Variants in TMEM182 observed in about 807,000 individuals in gnomAD.
The protein encoded by TMEM182 is transmembrane protein 182.
In TMEM182, 20 loss-of-function variants were observed where a neutral mutation model predicts 26.8. The observed-to-expected ratio is 0.75, with a 90% CI of 0.53 to 1.09. The LOEUF (loss-of-function observed/expected upper bound fraction) is 1.09, where lower values mean the gene tolerates loss of function less well. TMEM182 is among the 50% of genes least tolerant of loss of function. The pLI is 0.00. For synonymous variants in TMEM182, 109 were observed against 102.2 expected, an observed-to-expected ratio of 1.07 and a Z score of -0.40; for missense variants, 277 against 275.5, an observed-to-expected ratio of 1.01 and a Z score of -0.04.
intron 3 of TMEM182, among the ~76,000 whole-genome samples, chr2:102,832,336 A>G (rs1265566350): frequency 1.3e-5 from 2 of 152,242 alleles, no homozygotes; most frequent in Non-Finnish European, 2.9e-5. Flanking sequence ...TTGTAAATCA[A>G]CACATACATC....
chr2:102,759,160 A>T (rs1680135681), upstream of TMEM182, among the ~76,000 whole-genome samples: 1 of 152,222 alleles, frequency 6.6e-6, no homozygotes, highest in South Asian at 2.1e-4. Context: ...ATCTACTTTT[A>T]TATATGCATG....
intron 3 of TMEM182, among the ~76,000 whole-genome samples, chr2:102,767,435 A>G (rs1391910570): frequency 6.6e-6 from 1 of 152,082 alleles, no homozygotes; most frequent in East Asian, 1.9e-4. Flanking sequence ...GGTTTGTTTC[A>G]TGTTTACATT....
chr2:102,807,995 G>A (rs1168572908), intron 4 of TMEM182, among the ~76,000 whole-genome samples: 1 of 152,174 alleles, frequency 6.6e-6, no homozygotes, highest in Non-Finnish European at 1.5e-5. Context: ...AGTCTTTTAT[G>A]AATGCAGGGC....
At chr2:102,805,733 G>T (rs1682319954) in intron 4 of TMEM182, among the ~76,000 whole-genome samples, 1 of 152,034 alleles carries the variant, frequency 6.6e-6, no homozygotes, top group Admixed American at 6.5e-5. Flanking sequence ...ACGGTTTTCA[G>T]ATGTGCAAAG....
chr2:102,838,147 A>G (rs1441119640), intron 3 of TMEM182, among the ~76,000 whole-genome samples: 8 of 152,326 alleles, frequency 5.3e-5, no homozygotes, highest in African/African-American at 1.9e-4. Flanking sequence ...CTAATGCTGC[A>G]CGGAAGTAGG....
chr2:102,765,306 G>T (rs186292846), intron 3 of TMEM182, among the ~76,000 whole-genome samples: 5 of 152,092 alleles, frequency 3.3e-5, no homozygotes, highest in Non-Finnish European at 5.9e-5. Context: ...CAGTCTGAAG[G>T]CTGGACACTC....
At chr2:102,759,623 A>G (rs1680147930), upstream of TMEM182, among the ~76,000 whole-genome samples, 1 of 152,210 alleles carries the variant, frequency 6.6e-6, no homozygotes, top group African/African-American at 2.4e-5. Flanking sequence ...TTAAGTTTAT[A>G]TTGCTACTAT....
intron 1 of TMEM182, among the ~76,000 whole-genome samples, chr2:102,739,391 G>A (rs751222960): frequency 6.6e-6 from 1 of 152,168 alleles, no homozygotes; most frequent in African/African-American, 2.4e-5. Flanking sequence ...CTGCTGACAT[G>A]GTTTGGATCT....
chr2:102,836,128 CTT>C (rs1359891667), intron 3 of TMEM182, among the ~76,000 whole-genome samples: 1 of 152,212 alleles, frequency 6.6e-6, no homozygotes. Context: ...CCACAGTTCT[CTT>C]TGCCCCGTGA....
intron 1 of TMEM182, among the ~76,000 whole-genome samples, chr2:102,737,282 A>G (rs1264162335): frequency 2.0e-5 from 3 of 152,172 alleles, no homozygotes; most frequent in African/African-American, 4.8e-5. Flanking sequence ...ATGTAGTCCA[A>G]CTTCTAGAGG....
intron 4 of TMEM182, among the ~76,000 whole-genome samples, chr2:102,803,870 C>T (rs893786774): frequency 1.3e-5 from 2 of 151,102 alleles, no homozygotes; most frequent in African/African-American, 2.4e-5. Flanking sequence ...GCAGCCCTGC[C>T]GTCCACACCT....
downstream of TMEM182, among the ~76,000 whole-genome samples, chr2:102,818,571 C>T (rs555774620): frequency 5.3e-5 from 8 of 152,172 alleles, no homozygotes; most frequent in East Asian, 1.9e-4. Context: ...AAGTCTGGAA[C>T]GACAATGGAG....
intron 3 of TMEM182, among the ~76,000 whole-genome samples, chr2:102,786,482 G>A (rs192847172): frequency 6.6e-6 from 1 of 152,136 alleles, no homozygotes; most frequent in African/African-American, 2.4e-5. Flanking sequence ...CAAAGTGTTG[G>A]TATTACAGGT....
chr2:102,816,158 A>G lies in TMEM182; in HGVS notation c.*1190A>G, dbSNP rs1360353119. ...AGATGTTCATTTGGCACTAATGTTG[A>G]TTGAAATCAAATCCATCTGAGATGC... On this transcript the variant is annotated 3_prime_UTR_variant, in exon 5 of 5. Coordinates refer to ENST00000412401, the MANE Select transcript of TMEM182 (RefSeq NM_144632.5). 2.0e-6 allele frequency: 2 copies of G among 985,280 alleles called. No homozygotes were observed. The highest frequency in any genetic ancestry group is 2.3e-4 in the East Asian group (2 of 8,822). The allele number at this position is 985,280 out of a possible 1,614,324, so 61.0% of individuals were successfully genotyped here.
chr2:102,786,187 G>T (rs982651604), intron 3 of TMEM182, among the ~76,000 whole-genome samples: 79 of 142,950 alleles, frequency 5.5e-4, no homozygotes, highest in African/African-American at 2.0e-3. Flanking sequence ...TGGAGAGGAA[G>T]ATTACATAGC....
chr2:102,779,698 T>C (rs1303340048), intron 3 of TMEM182, among the ~76,000 whole-genome samples: 1 of 152,150 alleles, frequency 6.6e-6, no homozygotes, highest in Non-Finnish European at 1.5e-5. Flanking sequence ...TATTTTTTTT[T>C]TTTTAATTTG....
In TMEM182 at chr2:102,832,906, C is replaced by T. The variant is rs1313787807; in HGVS notation, c.326-10506C>T. On this transcript the variant is annotated intron_variant, in intron 3 of 3. Transcript: ENST00000486293. ...ACAGATCTTCCAAATTGCACACAGC[C>T]ATCCTGCACTGGCAGGGAGACAGGC... is the stretch of plus-strand genomic sequence containing the variant. Among the ~76,000 whole-genome samples, 6 of 152,298 alleles carry T rather than the reference C, an allele frequency of 3.9e-5. No homozygotes were observed. In the East Asian group the frequency reaches 1.2e-3, roughly 29 times the overall value.
intron 3 of TMEM182, among the ~76,000 whole-genome samples, chr2:102,841,033 T>C (rs959691343): frequency 6.6e-6 from 1 of 152,132 alleles, no homozygotes; most frequent in Non-Finnish European, 1.5e-5. Context: ...TGTTACTTTG[T>C]TCCTAAGTGC....
chr2:102,797,364 T>G (rs1013169934), intron 3 of TMEM182, among the ~76,000 whole-genome samples: 4 of 152,196 alleles, frequency 2.6e-5, no homozygotes, highest in Non-Finnish European at 4.4e-5. Context: ...TTGTTGTGGT[T>G]AGGGGCTTGG....
Sources: gnomAD v4.1 joint callset for allele counts (sites outside exome capture counted in the v4.1 genomes callset) on GRCh38, gnomAD v4.1.1 for gene constraint, MANE v1.5 for transcripts, NCBI Gene and HGNC (gene_info 2026-07-23, HGNC 2026-07-21) for gene names.